The following DPP10 variants were observed in gnomAD, a reference collection of about 807,000 sequenced individuals.
The protein encoded by DPP10 is inactive dipeptidyl peptidase 10.
In DPP10, 33 loss-of-function variants were observed where a neutral mutation model predicts 120.9. That is an observed-to-expected ratio of 0.27 (90% confidence interval 0.21 to 0.37). DPP10 has a LOEUF of 0.37. DPP10 is among the 10% of genes least tolerant of loss of function. The pLI is 1.00. For missense variants in DPP10, 816 were observed against 942.8 expected (o/e 0.87, Z 1.76); for synonymous variants, 337 against 326.1 (o/e 1.03, Z -0.36).
intron 1 of DPP10, among the ~76,000 whole-genome samples, chr2:114,771,246 T>G (rs1175597422): frequency 6.6e-6 from 1 of 152,176 alleles, no homozygotes; most frequent in Non-Finnish European, 1.5e-5. Context: ...AGTTGAGATT[T>G]GGGTTGCAGG....
intron 1 of DPP10, among the ~76,000 whole-genome samples, chr2:114,597,236 A>C (rs957703491): frequency 6.6e-6 from 1 of 152,038 alleles, no homozygotes; most frequent in African/African-American, 2.4e-5. Flanking sequence ...AAGAAGAGTA[A>C]TTTGGTACTG....
intron 21 of DPP10, among the ~76,000 whole-genome samples, chr2:115,816,327 G>A (rs1425010860): frequency 6.6e-6 from 1 of 152,142 alleles, no homozygotes; most frequent in East Asian, 1.9e-4. Flanking sequence ...TCTCTGATGA[G>A]GTTATATTTA....
chr2:114,553,985 T>C (rs577802916), intron 1 of DPP10, among the ~76,000 whole-genome samples: 3 of 152,288 alleles, frequency 2.0e-5, no homozygotes, highest in African/African-American at 7.2e-5. Context: ...ATACATAAGA[T>C]GATTTCCAAT....
intron 1 of DPP10, among the ~76,000 whole-genome samples, chr2:114,579,081 C>A (rs753959932): frequency 9.9e-5 from 15 of 152,192 alleles, no homozygotes; most frequent in Admixed American, 3.9e-4. Flanking sequence ...GAGCACCCAT[C>A]ATTTATCTTG....
At chr2:115,438,549 A>G (rs972224238) in intron 3 of DPP10, among the ~76,000 whole-genome samples, 6 of 152,334 alleles carry the variant, frequency 3.9e-5, no homozygotes, top group Middle Eastern at 3.4e-3. Flanking sequence ...ATGCAATAAA[A>G]TATTATTTAG....
intron 1 of DPP10, among the ~76,000 whole-genome samples, chr2:114,900,650 T>C (rs1288950966): frequency 6.6e-6 from 1 of 152,206 alleles, no homozygotes; most frequent in African/African-American, 2.4e-5. Context: ...GCTTATCCCT[T>C]CATCCTCTTC....
chr2:115,464,146 T>A (rs560649962), intron 3 of DPP10, among the ~76,000 whole-genome samples: 1 of 152,246 alleles, frequency 6.6e-6, no homozygotes, highest in South Asian at 2.1e-4. Flanking sequence ...TACCCTGAAA[T>A]GATTCAAATG....
intron 1 of DPP10, among the ~76,000 whole-genome samples, chr2:114,651,561 A>G (rs1239781771): frequency 3.9e-5 from 6 of 152,152 alleles, no homozygotes; most frequent in South Asian, 4.1e-4. Context: ...TGCCAGTGCT[A>G]AAATCACACT....
chr2:114,857,507 C>T (rs1330769601), intron 1 of DPP10, among the ~76,000 whole-genome samples: 1 of 152,130 alleles, frequency 6.6e-6, no homozygotes, highest in African/African-American at 2.4e-5. Context: ...AGATTTTCTC[C>T]CAATTCATGT....
intron 1 of DPP10, among the ~76,000 whole-genome samples, chr2:115,156,522 T>G (rs1256853818): frequency 6.6e-6 from 1 of 152,242 alleles, no homozygotes; most frequent in East Asian, 1.9e-4. Context: ...AGTCAAGATC[T>G]TACAGTAGAA....
At chr2:115,244,216 G>A (rs1345360301) in intron 1 of DPP10, among the ~76,000 whole-genome samples, 12 of 119,844 alleles carry the variant, frequency 1.0e-4, no homozygotes, top group African/African-American at 2.3e-4. Context: ...ATATGTGTGT[G>A]TATATATATA....
At chr2:115,661,614 T>C (rs943731460) in intron 5 of DPP10, among the ~76,000 whole-genome samples, 2 of 152,220 alleles carry the variant, frequency 1.3e-5, no homozygotes, top group Non-Finnish European at 2.9e-5. Context: ...ACAGCCAGTT[T>C]CATGGTGTGG....
At chr2:115,348,912 C>T (rs13027383) in intron 3 of DPP10, among the ~76,000 whole-genome samples, 4,138 of 152,046 alleles carry the variant, frequency 0.027, 71 homozygotes, top group South Asian at 0.06. Flanking sequence ...AAATGTGTAC[C>T]CACAATTAAA....
intron 1 of DPP10, among the ~76,000 whole-genome samples, chr2:115,087,348 A>G (rs1708795140): frequency 6.6e-6 from 1 of 152,096 alleles, no homozygotes. Context: ...AGCATAAAAA[A>G]CTGACTAAAT....
chr2:115,102,863 G>A (rs1023628353), intron 1 of DPP10, among the ~76,000 whole-genome samples: 5 of 152,060 alleles, frequency 3.3e-5, no homozygotes, highest in South Asian at 2.1e-4. Flanking sequence ...GTCTGAAGCC[G>A]TGGCAGCCAC....
At chr2:115,314,746 A>G (rs1353045561) in intron 2 of DPP10, among the ~76,000 whole-genome samples, 1 of 152,186 alleles carries the variant, frequency 6.6e-6, no homozygotes, top group Admixed American at 6.6e-5. Context: ...TAAGTCTTTA[A>G]TATCAGATAT....
intron 1 of DPP10, among the ~76,000 whole-genome samples, chr2:114,632,948 T>C (rs1382853614): frequency 6.6e-6 from 1 of 152,100 alleles, no homozygotes; most frequent in Non-Finnish European, 1.5e-5. Context: ...GCCTAATAAA[T>C]ACTTGCTCTC....
chr2:114,865,259 T>C (rs767014730), intron 1 of DPP10, among the ~76,000 whole-genome samples: 8 of 152,230 alleles, frequency 5.3e-5, no homozygotes, highest in Admixed American at 6.5e-5. Flanking sequence ...AATATTTTAA[T>C]TGGTCTCAAT....
Position 114,470,817 on chromosome 2 carries a change from A to G in DPP10, c.60+27979A>G, listed in dbSNP as rs148490423. On this transcript the variant is annotated intron_variant, in intron 1 of 25. Coordinates refer to ENST00000410059, the MANE Select transcript of DPP10 (RefSeq NM_020868.6). The stretch of plus-strand genomic sequence containing the variant: ...AGACACTTGAAAGTGGAATACAAAA[A>G]GTATTTTCATGCAGTCCATACTGCC... Among the ~76,000 whole-genome samples, 1,383 of 152,366 alleles carry G rather than the reference A, an allele frequency of 9.1e-3. 15 individuals carry two copies. The highest frequency in any genetic ancestry group is 0.031 in the African/African-American group (1,302 of 41,588).
Sources: gnomAD v4.1 joint callset for allele counts (sites outside exome capture counted in the v4.1 genomes callset) on GRCh38, gnomAD v4.1.1 for gene constraint, MANE v1.5 for transcripts, NCBI Gene and HGNC (gene_info 2026-07-23, HGNC 2026-07-21) for gene names.